The following DHX57 variants were observed in gnomAD, a reference collection of about 807,000 sequenced individuals.
DHX57 encodes putative ATP-dependent RNA helicase DHX57.
In DHX57, 105 loss-of-function variants were observed where a neutral mutation model predicts 156.2. That is an observed-to-expected ratio of 0.67 (90% CI 0.57 to 0.79). DHX57 has a LOEUF of 0.79. Ranked by LOEUF, DHX57 falls within the 30% of genes least tolerant of loss-of-function variation. The pLI is 0.00. For synonymous variants in DHX57, 704 were observed against 595.6 expected (o/e 1.18, Z -2.65); for missense variants, 1,847 against 1,661.9 (o/e 1.11, Z -1.94).
At chr2:38,848,847 T>G (rs935445140) in intron 9 of DHX57, among the ~76,000 whole-genome samples, 1 of 152,228 alleles carries the variant, frequency 6.6e-6, no homozygotes, top group Non-Finnish European at 1.5e-5. Context: ...TCTTACCACT[T>G]GTAGTGTCAT....
rs1333162087 is a variant in DHX57 at position 38,818,909 on chromosome 2, T to C, written c.3439A>G (p.Arg1147Gly). The C allele has an allele frequency of 6.2e-7, 1 of 1,614,240 alleles. No individual in the cohort carries two copies. Among genetic ancestry groups the C allele is most frequent in the Non-Finnish European group, 8.5e-7 (1 of 1,180,040 alleles). ...EGVRASYNYC[R>G]QNFLSGRVLQ... ...ACTCTTCCAGACAAGAAGTTTTGTC[T>C]GCAGTAATTATAACTTGCACGCACG... Residue 1147 changes from arginine to glycine, a missense_variant, in exon 19 of 24, where the codon AGA (arginine) becomes GGA (glycine). By Grantham distance (125) the Arg-to-Gly change is moderately radical (BLOSUM62 -2). Transcript: ENST00000457308.
intron 1 of DHX57, among the ~76,000 whole-genome samples, chr2:38,870,017 A>G (rs1665279008): frequency 6.6e-6 from 1 of 152,144 alleles, no homozygotes; most frequent in South Asian, 2.1e-4. Flanking sequence ...AATTATATAT[A>G]TAAAAAGAAC....
At chr2:38,838,799 T>G (rs1368889982) in intron 12 of DHX57, 1 of 456,436 alleles carries the variant, frequency 2.2e-6, no homozygotes, top group Admixed American at 2.4e-5. Context: ...GATTGTAATA[T>G]CTTCATTAAC....
intron 1 of DHX57, among the ~76,000 whole-genome samples, chr2:38,873,872 C>A (rs1192861239): frequency 1.3e-5 from 2 of 152,050 alleles, no homozygotes; most frequent in African/African-American, 4.8e-5. Flanking sequence ...TTGGGTAAGG[C>A]CTCTTTGAGA....
intron 19 of DHX57, chr2:38,816,113 G>T (rs908012765): frequency 6.4e-6 from 3 of 471,274 alleles, no homozygotes; most frequent in African/African-American, 6.0e-5. Context: ...AGAGTGGTTC[G>T]TGCTCTCAGT....
intron 21 of DHX57, among the ~76,000 whole-genome samples, chr2:38,813,573 C>G (rs1015635422): frequency 6.6e-6 from 1 of 151,850 alleles, no homozygotes; most frequent in African/African-American, 2.4e-5. Flanking sequence ...GGGGTTTCAC[C>G]GTGTTAGCCA....
At chr2:38,843,314 G>T in intron 11 of DHX57, 104 bp from the exon 12 acceptor site, 3 of 1,180,038 alleles carry the variant, frequency 2.5e-6, no homozygotes, top group Non-Finnish European at 3.6e-6. Flanking sequence ...GTCACTGTCT[G>T]CCCAATTCAC....
At chr2:38,813,999 G>A (rs2122769) in intron 20 of DHX57, 104 bp from the exon 21 acceptor site, 21,163 of 1,274,906 alleles carry the variant, frequency 0.017, 258 homozygotes, top group Non-Finnish European at 0.021. Flanking sequence ...GTGCAGTGGC[G>A]CCATCTCAGC....
intron 14 of DHX57, 44 bp from the exon 15 acceptor site, chr2:38,826,733 C>T (rs1296893286): frequency 6.3e-7 from 1 of 1,586,414 alleles, no homozygotes; most frequent in African/African-American, 1.3e-5. Context: ...GCACCTAGCA[C>T]CGAAACTAGA....
Position 38,868,777 on chromosome 2 carries a change from T to C in DHX57, c.-6-366A>G, listed in dbSNP as rs1665208969. Among the ~76,000 whole-genome samples, 3 of 151,722 alleles carry C rather than the reference T, an allele frequency of 2.0e-5. No individual in the cohort carries two copies. In the South Asian group the frequency reaches 6.3e-4, roughly 32 times the overall value. On this transcript the variant is annotated intron_variant, in intron 1 of 23. Transcript: ENST00000457308. Reference sequence around the variant, plus strand: ...ATGTCTAGGCTTTAATCCTAGATTCTCATTTGGTTAGGTCTAATTTAGAGT... The same window carrying C: ...ATGTCTAGGCTTTAATCCTAGATTCCCATTTGGTTAGGTCTAATTTAGAGT...
chr2:38,860,567 G>A (rs956984277), intron 5 of DHX57, among the ~76,000 whole-genome samples: 1 of 152,086 alleles, frequency 6.6e-6, no homozygotes, highest in Non-Finnish European at 1.5e-5. Flanking sequence ...GAATTCTGGG[G>A]GTCTAGTACA....
chr2:38,846,199 T>G (rs1046746582), intron 11 of DHX57, among the ~76,000 whole-genome samples: 13 of 152,214 alleles, frequency 8.5e-5, no homozygotes, highest in African/African-American at 2.4e-4. Context: ...ATGCATTATG[T>G]GCCAAGCACA....
intron 23 of DHX57, 67 bp from the exon 24 acceptor site, chr2:38,798,509 T>A: frequency 6.7e-7 from 1 of 1,488,764 alleles, no homozygotes; most frequent in Non-Finnish European, 9.0e-7. Flanking sequence ...TGGAGGGAAA[T>A]ACCCAAGTTA....
At chr2:38,845,743 T>C (rs1197261230) in intron 11 of DHX57, among the ~76,000 whole-genome samples, 3 of 152,164 alleles carry the variant, frequency 2.0e-5, no homozygotes, top group East Asian at 3.8e-4. Context: ...GATCTGTTTA[T>C]ATGCAATACA....
intron 13 of DHX57, among the ~76,000 whole-genome samples, chr2:38,835,350 C>A (rs1186379084): frequency 1.3e-5 from 2 of 152,144 alleles, no homozygotes; most frequent in East Asian, 1.9e-4. Context: ...ATAAAGTTAA[C>A]CCCTGGCCTT....
chr2:38,812,757 T>TC (rs1194837496), intron 21 of DHX57, among the ~76,000 whole-genome samples: 13 of 152,032 alleles, frequency 8.6e-5, no homozygotes, highest in Non-Finnish European at 1.8e-4. Flanking sequence ...GGCCTCGAAC[T>TC]CCTGACCTCA....
At chr2:38,808,430 ATATAT>A (rs1670069880) in intron 21 of DHX57, among the ~76,000 whole-genome samples, 1 of 152,174 alleles carries the variant, frequency 6.6e-6, no homozygotes. Context: ...TTTAAACTTA[ATATAT>A]TAAGAACATT....
chr2:38,815,167 C>T (rs957346916), intron 20 of DHX57, among the ~76,000 whole-genome samples: 3 of 151,948 alleles, frequency 2.0e-5, no homozygotes, highest in Admixed American at 2.0e-4. Context: ...CCTGGGATCA[C>T]ATCATTCTCC....
At chr2:38,829,524 C>G (rs1671275424) in intron 13 of DHX57, among the ~76,000 whole-genome samples, 1 of 152,116 alleles carries the variant, frequency 6.6e-6, no homozygotes, top group South Asian at 2.1e-4. Flanking sequence ...CCCGCCTTGG[C>G]CTCCAAAAGT....
Sources: gnomAD v4.1 joint callset for allele counts (sites outside exome capture counted in the v4.1 genomes callset) on GRCh38, gnomAD v4.1.1 for gene constraint, MANE v1.5 for transcripts, NCBI Gene and HGNC (gene_info 2026-07-23, HGNC 2026-07-21) for gene names.